The following CAMTA1 variants were observed in gnomAD, a reference collection of about 807,000 sequenced individuals.
CAMTA1 encodes the protein calmodulin binding transcription activator 1, also known as calmodulin-binding transcription activator 1.
In CAMTA1, 27 loss-of-function variants were observed where a neutral mutation model predicts 170.9. The ratio of observed to expected loss-of-function variants is 0.16; its 90% CI spans 0.12 to 0.22. The LOEUF is 0.22. Among genes scored for constraint, CAMTA1 ranks in the 10% least tolerant of loss-of-function variants. CAMTA1 has a pLI of 1.00. For missense variants in CAMTA1, 1,619 were observed against 2,217.2 expected, an observed-to-expected ratio of 0.73 and a Z score of 5.42; for synonymous variants, 833 against 891.5, an observed-to-expected ratio of 0.93 and a Z score of 1.17.
chr1:6,926,480 CTT>C (rs1557838272), intron 3 of CAMTA1, among the ~76,000 whole-genome samples: 20 of 136,802 alleles, frequency 1.5e-4, no homozygotes, highest in South Asian at 9.5e-4. Flanking sequence ...TTCTTTCTTT[CTT>C]TCTTTCTCTC....
At chr1:7,271,167 A>G (rs915176004) in intron 5 of CAMTA1, among the ~76,000 whole-genome samples, 11 of 152,172 alleles carry the variant, frequency 7.2e-5, no homozygotes, top group African/African-American at 2.7e-4. Flanking sequence ...CCTTGATCCA[A>G]TATGATTAGT....
At chr1:6,826,055 C>G (rs907748509) in intron 3 of CAMTA1, among the ~76,000 whole-genome samples, 1 of 152,274 alleles carries the variant, frequency 6.6e-6, no homozygotes, top group Non-Finnish European at 1.5e-5. Flanking sequence ...ATTTAGCACC[C>G]TATCCTTATT....
intron 5 of CAMTA1, among the ~76,000 whole-genome samples, chr1:7,260,302 T>C (rs573852602): frequency 6.6e-6 from 1 of 152,348 alleles, no homozygotes; most frequent in Admixed American, 6.5e-5. Context: ...CTATTCATAC[T>C]CAGCTTATAT....
intron 4 of CAMTA1, among the ~76,000 whole-genome samples, chr1:7,106,505 G>A (rs1444941739): frequency 6.6e-6 from 1 of 152,176 alleles, no homozygotes; most frequent in African/African-American, 2.4e-5. Context: ...GGTCACTTCA[G>A]CTAATTAGGT....
chr1:6,823,135 A>G (rs1403660480), intron 2 of CAMTA1, among the ~76,000 whole-genome samples: 1 of 152,130 alleles, frequency 6.6e-6, no homozygotes, highest in Middle Eastern at 3.2e-3. Flanking sequence ...TATTTTCAGA[A>G]TTGTACATAT....
chr1:7,657,468 C>T (rs1052453469), intron 7 of CAMTA1, among the ~76,000 whole-genome samples: 2 of 152,216 alleles, frequency 1.3e-5, no homozygotes, highest in African/African-American at 4.8e-5. Context: ...TTCTGTGCCT[C>T]CTCCCTTACA....
chr1:7,736,826 TTA>T lies in CAMTA1; in HGVS notation c.3264-100_3264-99del. The T allele has an allele frequency of 1.1e-6, 1 of 919,292 alleles. No individual in the cohort carries two copies. The highest frequency in any genetic ancestry group is 1.5e-5 in the South Asian group (1 of 67,998). The allele number at this position is 919,292 out of a possible 1,614,324, so 56.9% of individuals were successfully genotyped here. A position where few individuals can be genotyped will look rare whatever the true frequency, so the allele number is the denominator to read the frequency against. ...ACTCTGTTTCTTCACCATGGGGATG[TTA>T]TATACCCAGTTGGGTTTCATCTTGG... On this transcript the variant is annotated intron_variant, in intron 13 of 22. Transcript: ENST00000303635. The surrounding 1 kb of genome is among the most constrained non-coding windows in gnomAD (Gnocchi z 4.5).
At chr1:7,390,739 A>G (rs1024884623) in intron 5 of CAMTA1, among the ~76,000 whole-genome samples, 9 of 152,196 alleles carry the variant, frequency 5.9e-5, no homozygotes, top group African/African-American at 2.2e-4. Context: ...TCTCCCCCAC[A>G]TGCATTCCTA....
intron 5 of CAMTA1, among the ~76,000 whole-genome samples, chr1:7,462,122 C>G (rs576091887): frequency 1.3e-5 from 2 of 152,236 alleles, no homozygotes; most frequent in South Asian, 4.1e-4. Flanking sequence ...ATCCGGCCCA[C>G]TACCTATTTT....
At chr1:6,963,881 T>C (rs1036467231) in intron 3 of CAMTA1, among the ~76,000 whole-genome samples, 3 of 152,218 alleles carry the variant, frequency 2.0e-5, no homozygotes, top group Non-Finnish European at 4.4e-5. Flanking sequence ...TCAGTTTCCT[T>C]CCCTTTGTGC....
intron 4 of CAMTA1, among the ~76,000 whole-genome samples, chr1:7,219,116 G>C (rs1205422729): frequency 6.6e-6 from 1 of 152,182 alleles, no homozygotes; most frequent in Admixed American, 6.5e-5. Flanking sequence ...CTCTTACGAA[G>C]GTGAAGTGTC....
At chr1:7,494,923 G>A (rs960434178) in intron 6 of CAMTA1, among the ~76,000 whole-genome samples, 1 of 152,168 alleles carries the variant, frequency 6.6e-6, no homozygotes, top group Non-Finnish European at 1.5e-5. Flanking sequence ...GGAAGAGGAC[G>A]CTGACCCTTC....
intron 3 of CAMTA1, among the ~76,000 whole-genome samples, chr1:7,033,292 A>G (rs1392446471): frequency 6.6e-6 from 1 of 152,038 alleles, no homozygotes; most frequent in Non-Finnish European, 1.5e-5. Flanking sequence ...TTGTCTGTTA[A>G]TTACACCCAG....
At chr1:6,939,163 G>C (rs1685980012) in intron 3 of CAMTA1, among the ~76,000 whole-genome samples, 1 of 152,216 alleles carries the variant, frequency 6.6e-6, no homozygotes, top group Non-Finnish European at 1.5e-5. Context: ...AACCAGAGGA[G>C]CAGGCGTGGA....
intron 3 of CAMTA1, among the ~76,000 whole-genome samples, chr1:7,018,358 C>T (rs114631689): frequency 0.02 from 3,120 of 152,234 alleles, 89 homozygotes; most frequent in African/African-American, 0.07. Flanking sequence ...ACTGGTGGCT[C>T]GCAGTGCTTA....
At chr1:7,746,168 C>T in intron 18 of CAMTA1, 77 bp downstream of exon 18, 1 of 1,499,026 alleles carries the variant, frequency 6.7e-7, no homozygotes, top group South Asian at 1.2e-5. Context: ...ATCATGCGAA[C>T]AAAAACATTT....
At chr1:6,826,665 T>A (rs578188078) in intron 3 of CAMTA1, among the ~76,000 whole-genome samples, 4 of 152,378 alleles carry the variant, frequency 2.6e-5, no homozygotes, top group South Asian at 4.1e-4. Context: ...AATAAGTATG[T>A]ATTTTTCCAT....
At chr1:7,621,245 G>A (rs1177933102) in intron 6 of CAMTA1, among the ~76,000 whole-genome samples, 2 of 152,240 alleles carry the variant, frequency 1.3e-5, no homozygotes, top group African/African-American at 4.8e-5. Flanking sequence ...TGGCCCAAGA[G>A]AGCCAAGGGC....
rs1300386948 is a variant in CAMTA1, at chr1:7,682,998, C to T, written c.2914+5265C>T. Reference sequence around the variant, plus strand: ...CATCCTGGTTAACACGGTGAAACCCCGCCTCTACTAAAAATACAAAAACAA... The same window carrying T: ...CATCCTGGTTAACACGGTGAAACCCTGCCTCTACTAAAAATACAAAAACAA... On this transcript the variant is annotated intron_variant, in intron 11 of 22. Coordinates refer to ENST00000303635, the MANE Select transcript of CAMTA1 (RefSeq NM_015215.4). This position sits in a 1 kb window ranked among gnomAD's most constrained non-coding sequence, Gnocchi z 5.0. 3.9e-5 allele frequency among the ~76,000 whole-genome samples: 6 copies of T among 152,056 alleles called. No homozygotes were observed. The highest frequency in any genetic ancestry group is 2.1e-4 in the South Asian group (1 of 4,818).
Sources: allele counts gnomAD v4.1 joint callset (sites outside exome capture counted in the v4.1 genomes callset), GRCh38; gene constraint gnomAD v4.1.1; non-coding constraint Gnocchi (gnomAD v3.1); transcripts MANE v1.5; gene names NCBI Gene and HGNC (gene_info 2026-07-23, HGNC 2026-07-21).